Variants in PDE6D observed in about 807,000 individuals in gnomAD.
PDE6D encodes retinal rod rhodopsin-sensitive cGMP 3',5'-cyclic phosphodiesterase subunit delta.
A neutral mutation model predicts 21.9 loss-of-function variants in PDE6D; 10 were observed. The ratio of observed to expected loss-of-function variants is 0.46; its 90% CI spans 0.28 to 0.78. The LOEUF (loss-of-function observed/expected upper bound fraction) is 0.78. Among genes scored for constraint, PDE6D ranks in the 30% least tolerant of loss-of-function variants. PDE6D has a pLI of 0.12. For synonymous variants in PDE6D, 59 were observed against 63.5 expected (o/e 0.93, Z 0.34); for missense variants, 139 against 184.8 (o/e 0.75, Z 1.44).
At chr2:231,769,839 G>C (rs966976765) in intron 1 of PDE6D, among the ~76,000 whole-genome samples, 2 of 152,044 alleles carry the variant, frequency 1.3e-5, no homozygotes. Context: ...ATACTTAAGG[G>C]GCCTTTGAAA....
intron 1 of PDE6D, among the ~76,000 whole-genome samples, chr2:231,756,007 G>A (rs1407433372): frequency 1.3e-5 from 2 of 152,148 alleles, no homozygotes; most frequent in East Asian, 3.8e-4. Context: ...GATTCTGGTA[G>A]AGAAATGGTT....
chr2:231,736,470 C>T (rs967169398), intron 4 of PDE6D, among the ~76,000 whole-genome samples: 4 of 152,134 alleles, frequency 2.6e-5, no homozygotes, highest in African/African-American at 7.2e-5. Context: ...TGTGCCATTA[C>T]GCCCAGCTAA....
At chr2:231,741,220 T>C (rs958819407) in intron 1 of PDE6D, among the ~76,000 whole-genome samples, 1 of 150,746 alleles carries the variant, frequency 6.6e-6, no homozygotes, top group Non-Finnish European at 1.5e-5. Context: ...CTTCCAGAGG[T>C]TAAACAAGTC....
Position 231,732,821 on chromosome 2 carries a change from G to T in PDE6D, c.*131C>A. 1 of 669,820 alleles carries T rather than the reference G, an allele frequency of 1.5e-6. No homozygotes were observed. The highest frequency in any genetic ancestry group is 2.7e-6 in the Non-Finnish European group (1 of 372,182). 41.5% of individuals were successfully genotyped at this position (669,820 alleles called of 1,614,324 possible). A position where few individuals can be genotyped will look rare whatever the true frequency, so the allele number is the denominator to read the frequency against. ...ACACAGAGCTGGTCCCCTGGTGGCT[G>T]CAGGTAGGTTCTGCTGTTGAGGGAA... On this transcript the variant is annotated 3_prime_UTR_variant, in exon 5 of 5. Transcript: ENST00000287600.
chr2:231,776,590 T>G (rs865920289), intron 1 of PDE6D, among the ~76,000 whole-genome samples: 1 of 152,220 alleles, frequency 6.6e-6, no homozygotes, highest in South Asian at 2.1e-4. Flanking sequence ...AAAAATGCAT[T>G]GCTTTTGAAG....
chr2:231,732,761 A>AT lies in PDE6D; in HGVS notation c.*190dup. On this transcript the variant is annotated 3_prime_UTR_variant, in exon 5 of 5. Coordinates refer to ENST00000287600, the MANE Select transcript of PDE6D (RefSeq NM_002601.4). ...GGAGTTTAGTCTGGTCAGCTGGAAG[A>AT]TGGTGGCTTGGGAAAAAGAGCCATC... is the stretch of plus-strand genomic sequence containing the variant. The AT allele has an allele frequency of 1.8e-6, 1 of 552,038 alleles. No individual in the cohort carries two copies. Among genetic ancestry groups the AT allele is most frequent in the South Asian group, 2.2e-5 (1 of 46,192 alleles). The allele number at this position is 552,038 out of a possible 1,614,324, so 34.2% of individuals were successfully genotyped here.
intron 1 of PDE6D, among the ~76,000 whole-genome samples, chr2:231,758,889 T>C (rs2106277141): frequency 6.6e-6 from 1 of 152,204 alleles, no homozygotes; most frequent in East Asian, 1.9e-4. Context: ...TGAGTAGCTT[T>C]AGGGTACCAG....
At chr2:231,765,708 A>G (rs1234919159) in intron 1 of PDE6D, among the ~76,000 whole-genome samples, 1 of 152,168 alleles carries the variant, frequency 6.6e-6, no homozygotes, top group Non-Finnish European at 1.5e-5. Context: ...CTAGCAGTAA[A>G]CAAAGGGAGT....
At position 231,737,287 on chromosome 2, in the gene PDE6D, A is replaced by G; in HGVS notation, c.271T>C (p.Phe91Leu). ...YFKGQCLEEW[F>L]FEFGFVIPNS... ...GGGATCACAAAGCCAAACTCGAAGA[A>G]CCATTCTGAAGGAAGAAGGAAAAGC... Residue 91 changes from phenylalanine (F) to leucine (L), a missense_variant, in exon 4 of 5, where the codon TTC (phenylalanine) becomes CTC (leucine). By Grantham distance (22) the Phe-to-Leu change is conservative. Coordinates refer to ENST00000287600, the MANE Select transcript of PDE6D (RefSeq NM_002601.4). The G allele has an allele frequency of 6.3e-7, 1 of 1,599,186 alleles. No individual in the cohort carries two copies. The highest frequency in any genetic ancestry group is 8.6e-7 in the Non-Finnish European group (1 of 1,166,508).
At chr2:231,741,630 T>A (rs2048750778) in intron 1 of PDE6D, among the ~76,000 whole-genome samples, 1 of 152,210 alleles carries the variant, frequency 6.6e-6, no homozygotes. Context: ...CTAGTGTGTT[T>A]ATATGGAAAG....
chr2:231,759,987 A>G, intron 1 of PDE6D, among the ~76,000 whole-genome samples: 1 of 152,226 alleles, frequency 6.6e-6, no homozygotes, highest in East Asian at 1.9e-4. Flanking sequence ...ACAATAAGGT[A>G]AACATTTAAT....
chr2:231,740,670 G>A (rs765808609), intron 1 of PDE6D, among the ~76,000 whole-genome samples: 8 of 115,918 alleles, frequency 6.9e-5, no homozygotes, highest in Admixed American at 6.3e-4. Flanking sequence ...GACAGAGGGA[G>A]ACCCTGTCTC....
chr2:231,733,344 C>A (rs573917959), intron 4 of PDE6D, among the ~76,000 whole-genome samples: 1 of 152,226 alleles, frequency 6.6e-6, no homozygotes, highest in African/African-American at 2.4e-5. Context: ...ATCCGACTGA[C>A]TTTCTGATAC....
chr2:231,760,597 C>A (rs1233080229), intron 1 of PDE6D, among the ~76,000 whole-genome samples: 1 of 152,012 alleles, frequency 6.6e-6, no homozygotes, highest in Non-Finnish European at 1.5e-5. Context: ...TCCTGCATAC[C>A]CAGTTTGTAC....
intron 1 of PDE6D, among the ~76,000 whole-genome samples, chr2:231,778,382 AT>A (rs1285245486): frequency 2.2e-4 from 33 of 152,278 alleles, no homozygotes; most frequent in African/African-American, 8.0e-4. Flanking sequence ...AAGGATTGAT[AT>A]TACAATATGT....
At chr2:231,738,702 T>G (rs1246075) in intron 2 of PDE6D, among the ~76,000 whole-genome samples, 69,806 of 151,594 alleles carry the variant, frequency 0.46, 19,786 homozygotes, top group African/African-American at 0.81. Context: ...GATCACTTGA[T>G]GTCCGGAGTT....
At chr2:231,762,317 GA>G (rs2048937258) in intron 1 of PDE6D, among the ~76,000 whole-genome samples, 1 of 139,728 alleles carries the variant, frequency 7.2e-6, no homozygotes, top group South Asian at 2.3e-4. Context: ...TTTTAAATCT[GA>G]AGTGGATTCA....
intron 1 of PDE6D, among the ~76,000 whole-genome samples, chr2:231,740,937 G>A (rs2048743659): frequency 6.6e-6 from 1 of 151,320 alleles, no homozygotes; most frequent in Non-Finnish European, 1.5e-5. Flanking sequence ...TCGGGAGTTC[G>A]AGACCAGCCT....
At chr2:231,750,066 T>G (rs1480372739) in intron 1 of PDE6D, among the ~76,000 whole-genome samples, 1 of 152,056 alleles carries the variant, frequency 6.6e-6, no homozygotes, top group Non-Finnish European at 1.5e-5. Flanking sequence ...AATTGAATCA[T>G]GGGGGCTGGT....
Sources: gnomAD v4.1 joint callset for allele counts (sites outside exome capture counted in the v4.1 genomes callset) on GRCh38, gnomAD v4.1.1 for gene constraint, MANE v1.5 for transcripts, NCBI Gene and HGNC (gene_info 2026-07-23, HGNC 2026-07-21) for gene names.